POFUT3: variants seen among roughly 807,000 people sequenced by gnomAD.
POFUT3 encodes GDP-fucose protein O-fucosyltransferase 3.
At chr8:33,333,992 GA>G in the POFUT3 span, among the ~76,000 whole-genome samples, 1 of 151,932 alleles carries the variant, frequency 6.6e-6, no homozygotes, top group African/African-American at 2.4e-5. Flanking sequence ...AAAAGAAAAA[GA>G]AAAAAATAGA....
At chr8:33,310,433 C>T in the POFUT3 span, among the ~76,000 whole-genome samples, 4 of 152,120 alleles carry the variant, frequency 2.6e-5, no homozygotes, top group Admixed American at 6.6e-5. Context: ...AATCCCCAGC[C>T]GGGCTCAGTG....
At chr8:33,453,513 A>G in the POFUT3 span, 5 of 1,588,204 alleles carry the variant, frequency 3.1e-6, no homozygotes, top group Non-Finnish European at 4.3e-6. Flanking sequence ...ACCATGACCT[A>G]AAAGAGAAGA....
the POFUT3 span, among the ~76,000 whole-genome samples, chr8:33,416,686 A>T: frequency 3.9e-5 from 6 of 152,044 alleles, no homozygotes; most frequent in African/African-American, 1.4e-4. Flanking sequence ...TCTCTACTAA[A>T]AATACAAAAA....
chr8:33,453,910 G>A, the POFUT3 span, among the ~76,000 whole-genome samples: 22 of 151,948 alleles, frequency 1.4e-4, no homozygotes, highest in African/African-American at 4.8e-4. Flanking sequence ...AGCCAAGATC[G>A]CGCCACTGCA....
the POFUT3 span, among the ~76,000 whole-genome samples, chr8:33,425,622 C>A: frequency 6.6e-6 from 1 of 151,800 alleles, no homozygotes; most frequent in South Asian, 2.1e-4. Context: ...AGGAAGGAGC[C>A]GCAAAAGGGG....
the POFUT3 span, among the ~76,000 whole-genome samples, chr8:33,434,288 C>T: frequency 6.6e-6 from 1 of 151,984 alleles, no homozygotes; most frequent in African/African-American, 2.4e-5. Context: ...AGTTGCCCTG[C>T]AGCAGGTCCA....
At chr8:33,452,128 T>C in the POFUT3 span, 2 of 152,298 alleles carry the variant, frequency 1.3e-5, no homozygotes, top group South Asian at 4.1e-4. Context: ...TATATGTGTA[T>C]GTGTAGGCAT....
chr8:33,419,632 A>T, the POFUT3 span, among the ~76,000 whole-genome samples: 1 of 152,164 alleles, frequency 6.6e-6, no homozygotes, highest in Admixed American at 6.6e-5. Context: ...CCCTGACTTG[A>T]TCATTATACA....
the POFUT3 span, among the ~76,000 whole-genome samples, chr8:33,466,301 T>C: frequency 2.6e-5 from 4 of 152,084 alleles, no homozygotes; most frequent in South Asian, 8.3e-4. Context: ...TGGTGGTGCA[T>C]GTCTGTGGTC....
chr8:33,394,110 A>T, the POFUT3 span: 1 of 160,958 alleles, frequency 6.2e-6, no homozygotes, highest in South Asian at 1.5e-4. Flanking sequence ...GCTTGAGCCC[A>T]AGAGGTTGAG....
the POFUT3 span, among the ~76,000 whole-genome samples, chr8:33,367,547 AT>A: frequency 6.6e-6 from 1 of 151,934 alleles, no homozygotes; most frequent in Non-Finnish European, 1.5e-5. Context: ...ACACCTCTAT[AT>A]TTCTGTGTGT....
At chr8:33,431,578 A>AAAG in the POFUT3 span, among the ~76,000 whole-genome samples, 1 of 147,374 alleles carries the variant, frequency 6.8e-6, no homozygotes, top group Non-Finnish European at 1.5e-5. Flanking sequence ...AAAAAAAAAA[A>AAAG]AAAAAAAAGA....
At chr8:33,372,639 G>C in the POFUT3 span, 5 of 1,613,896 alleles carry the variant, frequency 3.1e-6, no homozygotes, top group South Asian at 5.5e-5. Context: ...CTATCAACCA[G>C]CCACCTTAGT....
the POFUT3 span, among the ~76,000 whole-genome samples, chr8:33,440,522 A>G: frequency 3.9e-5 from 6 of 152,188 alleles, no homozygotes; most frequent in African/African-American, 9.6e-5. Flanking sequence ...TGCCAGTTGT[A>G]TAAATGAATA....
At chr8:33,388,367 C>T in the POFUT3 span, among the ~76,000 whole-genome samples, 35 of 131,386 alleles carry the variant, frequency 2.7e-4, no homozygotes, top group African/African-American at 4.3e-4. Flanking sequence ...GACAGAGTCT[C>T]GCTCTGTCGC....
chr8:33,362,126 A>C, the POFUT3 span, among the ~76,000 whole-genome samples: 1 of 152,224 alleles, frequency 6.6e-6, no homozygotes. Flanking sequence ...ACATTCTTAA[A>C]GAAAAGAATT....
the POFUT3 span, among the ~76,000 whole-genome samples, chr8:33,443,323 T>C: frequency 1.3e-5 from 2 of 152,128 alleles, no homozygotes; most frequent in Non-Finnish European, 2.9e-5. Context: ...TAAAGTGAAA[T>C]CATTTTTTCA....
At chr8:33,383,739 C>T in the POFUT3 span, among the ~76,000 whole-genome samples, 1 of 152,048 alleles carries the variant, frequency 6.6e-6, no homozygotes, top group Non-Finnish European at 1.5e-5. Context: ...GCAGAGGTTG[C>T]AGTGAGCCGA....
the POFUT3 span, among the ~76,000 whole-genome samples, chr8:33,324,445 T>C: frequency 6.6e-6 from 1 of 152,148 alleles, no homozygotes; most frequent in Admixed American, 6.6e-5. Context: ...TAATCTCAAA[T>C]GTCCAGCCAA....
Sources: gnomAD v4.1 joint callset for allele counts (sites outside exome capture counted in the v4.1 genomes callset) on GRCh38, gnomAD v4.1.1 for gene constraint, MANE v1.5 for transcripts, NCBI Gene and HGNC (gene_info 2026-07-23, HGNC 2026-07-21) for gene names.